RANBP2: variants seen among roughly 807,000 people sequenced by gnomAD.
RANBP2 encodes the protein E3 SUMO-protein ligase RanBP2.
In RANBP2, 57 loss-of-function variants were observed where a neutral mutation model predicts 303.6. The ratio of observed to expected loss-of-function variants is 0.19; its 90% CI spans 0.15 to 0.23. The LOEUF (loss-of-function observed/expected upper bound fraction) is 0.23. RANBP2 is among the 10% of genes least tolerant of loss of function. The pLI is 1.00. For missense variants in RANBP2, 3,138 were observed against 3,780.8 expected, an observed-to-expected ratio of 0.83 and a Z score of 4.46; for synonymous variants, 1,167 against 1,301.5, an observed-to-expected ratio of 0.90 and a Z score of 2.23.
the RANBP2 span, among the ~76,000 whole-genome samples, chr2:109,204,739 G>A: frequency 6.6e-6 from 1 of 152,184 alleles, no homozygotes; most frequent in Non-Finnish European, 1.5e-5. Context: ...CCTTTGAAGA[G>A]ACCAAGCCAA....
At chr2:109,501,271 TAGATCAGCGTCTAAA>T in the RANBP2 span, among the ~76,000 whole-genome samples, 21 of 152,288 alleles carry the variant, frequency 1.4e-4, no homozygotes, top group African/African-American at 4.3e-4. Flanking sequence ...AGCTTCTTCG[TAGATCAGCGTCTAAA>T]AGGACAGCAG....
chr2:109,630,814 C>G, the RANBP2 span, among the ~76,000 whole-genome samples: 1 of 152,070 alleles, frequency 6.6e-6, no homozygotes, highest in East Asian at 1.9e-4. Context: ...GCCTGTAATC[C>G]CATCAGTTTG....
chr2:109,743,782 C>T, the RANBP2 span, among the ~76,000 whole-genome samples: 1 of 92,464 alleles, frequency 1.1e-5, no homozygotes, highest in African/African-American at 3.0e-5. Flanking sequence ...CACCTCCCAT[C>T]CTCCTCATTT....
chr2:108,873,888 C>T, the RANBP2 span, among the ~76,000 whole-genome samples: 1 of 152,030 alleles, frequency 6.6e-6, no homozygotes, highest in African/African-American at 2.4e-5. Context: ...TTCTGAATCC[C>T]ATGCTACTTA....
intron 1 of RANBP2, 112 bp from the exon 2 acceptor site, chr2:108,729,020 G>C: frequency 1.5e-6 from 2 of 1,297,974 alleles, no homozygotes; most frequent in South Asian, 1.3e-5. Context: ...ACTTTTAAGT[G>C]AATGAAAGTG....
At chr2:109,089,570 C>T in the RANBP2 span, among the ~76,000 whole-genome samples, 16 of 152,136 alleles carry the variant, frequency 1.1e-4, no homozygotes, top group Non-Finnish European at 1.3e-4. Flanking sequence ...GGCACTACCG[C>T]ACTCCAGCCT....
chr2:108,861,721 T>C, the RANBP2 span, among the ~76,000 whole-genome samples: 1 of 152,112 alleles, frequency 6.6e-6, no homozygotes, highest in African/African-American at 2.4e-5. Context: ...CCTCCAGTGA[T>C]CCGCCCACCT....
the RANBP2 span, among the ~76,000 whole-genome samples, chr2:109,177,778 G>A: frequency 6.6e-6 from 1 of 152,212 alleles, no homozygotes; most frequent in African/African-American, 2.4e-5. Context: ...GATTTCAGAT[G>A]TAAGAAATAT....
chr2:108,834,824 A>G, the RANBP2 span, among the ~76,000 whole-genome samples: 3 of 152,224 alleles, frequency 2.0e-5, no homozygotes, highest in Non-Finnish European at 4.4e-5. Flanking sequence ...TGCATATTCT[A>G]AGTATCTCAT....
At chr2:109,593,975 C>T in the RANBP2 span, among the ~76,000 whole-genome samples, 1 of 152,154 alleles carries the variant, frequency 6.6e-6, no homozygotes, top group Admixed American at 6.6e-5. Context: ...TATTAACATT[C>T]CCACAGCCTA....
chr2:109,296,221 C>CTATTATTATTAT, the RANBP2 span, among the ~76,000 whole-genome samples: 147 of 151,430 alleles, frequency 9.7e-4, 1 homozygote, highest in African/African-American at 3.5e-3. Flanking sequence ...ACAGAATGAC[C>CTATTATTATTAT]TAGTATTATT....
At chr2:109,320,996 A>G in the RANBP2 span, among the ~76,000 whole-genome samples, 1 of 152,236 alleles carries the variant, frequency 6.6e-6, no homozygotes. Flanking sequence ...TAAGGCATCT[A>G]CATACCTACA....
chr2:109,232,150 A>G, the RANBP2 span, among the ~76,000 whole-genome samples: 3 of 152,228 alleles, frequency 2.0e-5, no homozygotes, highest in Non-Finnish European at 2.9e-5. Flanking sequence ...TAGTGGAATG[A>G]CCAGATCATG....
rs11885340 is a variant in RANBP2, at chr2:108,748,848, C to T, written c.1064-72C>T. On this transcript the variant is annotated intron_variant, in intron 8 of 28. Coordinates refer to ENST00000283195, the MANE Select transcript of RANBP2 (RefSeq NM_006267.5). ...TCATGTTATTTCCCCTTTGGGTATA[C>T]AAATGAGACAACGTGAGCAAATACA... The T allele has an allele frequency of 2.3e-3, 3,685 of 1,611,336 alleles. 87 individuals carry two copies. In the African/African-American group the frequency reaches 0.045, roughly 20 times the overall value.
the RANBP2 span, among the ~76,000 whole-genome samples, chr2:109,323,262 G>A: frequency 6.6e-6 from 1 of 152,182 alleles, no homozygotes; most frequent in South Asian, 2.1e-4. Context: ...GAGTCATTGG[G>A]TGTATAGCAG....
chr2:109,124,004 ATTTAT>A, the RANBP2 span, among the ~76,000 whole-genome samples: 1 of 139,626 alleles, frequency 7.2e-6, no homozygotes, highest in African/African-American at 2.5e-5. Context: ...TTATTTATTT[ATTTAT>A]TTATTTATTT....
chr2:109,733,754 T>C, the RANBP2 span, among the ~76,000 whole-genome samples: 2 of 151,494 alleles, frequency 1.3e-5, no homozygotes, highest in Non-Finnish European at 2.9e-5. Context: ...AACCTGTAGT[T>C]CCAGTTACCC....
chr2:109,688,181 CAG>C, the RANBP2 span, among the ~76,000 whole-genome samples: 1 of 152,128 alleles, frequency 6.6e-6, no homozygotes, highest in African/African-American at 2.4e-5. Context: ...CGAGGAGTCA[CAG>C]AGTTGCCTAT....
At chr2:109,638,419 T>C in the RANBP2 span, among the ~76,000 whole-genome samples, 1 of 152,190 alleles carries the variant, frequency 6.6e-6, no homozygotes, top group Admixed American at 6.5e-5. Context: ...AGGTTCCAAA[T>C]TCCCCACCAG....
Sources: gnomAD v4.1 joint callset for allele counts (sites outside exome capture counted in the v4.1 genomes callset) on GRCh38, gnomAD v4.1.1 for gene constraint, MANE v1.5 for transcripts, NCBI Gene and HGNC (gene_info 2026-07-23, HGNC 2026-07-21) for gene names.